USH2A: variants seen among roughly 807,000 people sequenced by gnomAD.
USH2A encodes the protein Usher syndrome 2A (autosomal recessive, mild).
In USH2A, 443 loss-of-function variants were observed where a neutral mutation model predicts 538.9. The ratio of observed to expected loss-of-function variants is 0.82; its 90% CI spans 0.76 to 0.89. USH2A has a LOEUF of 0.89. USH2A is among the 40% of genes least tolerant of loss of function. The pLI is 0.00. For synonymous variants in USH2A, 2,413 were observed against 2,273.5 expected, an observed-to-expected ratio of 1.06 and a Z score of -1.75; for missense variants, 6,633 against 6,324.8, an observed-to-expected ratio of 1.05 and a Z score of -1.65.
At chr1:215,948,471 T>C (rs2102438359) in intron 37 of USH2A, among the ~76,000 whole-genome samples, 1 of 151,586 alleles carries the variant, frequency 6.6e-6, no homozygotes, top group South Asian at 2.1e-4. Context: ...CACACGTATA[T>C]ATGGACATAC....
intron 38 of USH2A, among the ~76,000 whole-genome samples, chr1:215,919,466 G>A (rs1666041352): frequency 6.6e-6 from 1 of 152,054 alleles, no homozygotes; most frequent in African/African-American, 2.4e-5. Context: ...CTTACAGCTA[G>A]TAGGAGGGGG....
intron 36 of USH2A, among the ~76,000 whole-genome samples, chr1:215,967,467 A>T (rs974051327): frequency 1.3e-5 from 2 of 152,160 alleles, no homozygotes; most frequent in Non-Finnish European, 2.9e-5. Context: ...ATGCCTGGCC[A>T]TAAACTGTTA....
chr1:215,649,599 T>C (rs563393469), intron 65 of USH2A, among the ~76,000 whole-genome samples: 2 of 152,340 alleles, frequency 1.3e-5, no homozygotes, highest in South Asian at 2.1e-4. Flanking sequence ...CGAAGCCCTA[T>C]AGAAAATATG....
intron 41 of USH2A, among the ~76,000 whole-genome samples, chr1:215,885,025 C>CT (rs1310935373): frequency 2.0e-5 from 3 of 149,108 alleles, no homozygotes; most frequent in African/African-American, 4.9e-5. Flanking sequence ...TTTTTTTTTT[C>CT]TTTTTTTTGG....
At chr1:215,696,461 G>A (rs1658814407) in intron 61 of USH2A, among the ~76,000 whole-genome samples, 1 of 152,184 alleles carries the variant, frequency 6.6e-6, no homozygotes. Flanking sequence ...GGGGCTGCAT[G>A]GCACTTCTCT....
chr1:215,693,090 A>ATATGTGTG (rs1553253902), intron 61 of USH2A, among the ~76,000 whole-genome samples: 4 of 52,620 alleles, frequency 7.6e-5, no homozygotes, highest in Admixed American at 4.3e-4. Flanking sequence ...ATATATATAT[A>ATATGTGTG]TATGTGTGTG....
intron 3 of USH2A, among the ~76,000 whole-genome samples, chr1:216,414,768 T>C (rs1488254514): frequency 1.3e-5 from 2 of 152,096 alleles, no homozygotes; most frequent in African/African-American, 4.8e-5. Context: ...CATCAATTTG[T>C]GGCCATTTGG....
At chr1:216,105,029 C>T (rs149295789) in intron 21 of USH2A, among the ~76,000 whole-genome samples, 2 of 152,120 alleles carry the variant, frequency 1.3e-5, no homozygotes, top group African/African-American at 4.8e-5. Context: ...CAAAAGAAGA[C>T]ATTTATGCAG....
In USH2A at chr1:216,207,278, G is replaced by A. The variant is rs778168432; in HGVS notation, c.3311C>T (p.Pro1104Leu). 1 of 1,613,760 alleles carries A rather than the reference G, an allele frequency of 6.2e-7. No individual in the cohort carries two copies. Among genetic ancestry groups the A allele is most frequent in the East Asian group, 2.2e-5 (1 of 44,836 alleles). Reference sequence around the variant, plus strand: ...TACCAAACCCTTAAACTCACTGTATGGGTATTGATCCTCTGTTGTGTAGAT... The same window carrying A: ...TACCAAACCCTTAAACTCACTGTATAGGTATTGATCCTCTGTTGTGTAGAT... ...FEIYTTEDQYPYSIQYFLDTD... is the reference protein window; with the variant it reads ...FEIYTTEDQYLYSIQYFLDTD... The change falls in exon 16 of 72, where the codon CCA becomes CTA. Residue 1104 changes from proline (P) to leucine (L), a missense_variant. By Grantham distance (98) the Pro-to-Leu change is moderately conservative. Coordinates refer to ENST00000307340, the MANE Select transcript of USH2A (RefSeq NM_206933.4).
intron 58 of USH2A, among the ~76,000 whole-genome samples, chr1:215,751,647 T>C (rs1385658012): frequency 6.6e-6 from 1 of 152,172 alleles, no homozygotes; most frequent in Non-Finnish European, 1.5e-5. Context: ...TTTCACCTAT[T>C]AAGGTAACAT....
At chr1:215,839,471 C>T (rs761185281) in intron 46 of USH2A, among the ~76,000 whole-genome samples, 2 of 152,254 alleles carry the variant, frequency 1.3e-5, no homozygotes, top group Non-Finnish European at 2.9e-5. Flanking sequence ...CTGAGTTGTT[C>T]TCCACTGTAC....
chr1:215,636,069 G>C (rs1413801842), intron 69 of USH2A, among the ~76,000 whole-genome samples: 1 of 152,174 alleles, frequency 6.6e-6, no homozygotes, highest in African/African-American at 2.4e-5. Flanking sequence ...ACACAGGCTG[G>C]TGTGGAGATG....
At chr1:215,862,342 C>T (rs1328655251) in intron 44 of USH2A, among the ~76,000 whole-genome samples, 2 of 151,968 alleles carry the variant, frequency 1.3e-5, no homozygotes, top group East Asian at 3.9e-4. Context: ...CATGTTCTCA[C>T]TCATAGTTGG....
intron 69 of USH2A, among the ~76,000 whole-genome samples, chr1:215,637,219 T>C (rs923386297): frequency 8.5e-5 from 13 of 152,146 alleles, no homozygotes; most frequent in African/African-American, 3.1e-4. Flanking sequence ...TGGCAGGGCT[T>C]AGAAGGCGAG....
intron 38 of USH2A, among the ~76,000 whole-genome samples, chr1:215,901,783 C>T (rs1665508957): frequency 6.6e-6 from 1 of 152,156 alleles, no homozygotes; most frequent in African/African-American, 2.4e-5. Context: ...ACTGGTATAA[C>T]TCAAATGAGC....
intron 56 of USH2A, among the ~76,000 whole-genome samples, chr1:215,764,194 C>T (rs1301176408): frequency 2.0e-5 from 3 of 151,980 alleles, no homozygotes; most frequent in East Asian, 1.9e-4. Context: ...AGCCAGTACT[C>T]GAAAATTCCA....
At chr1:215,763,243 G>A (rs569413777) in intron 56 of USH2A, among the ~76,000 whole-genome samples, 1 of 152,298 alleles carries the variant, frequency 6.6e-6, no homozygotes, top group South Asian at 2.1e-4. Flanking sequence ...ATAAAGATGA[G>A]TCGATAAAAA....
At chr1:216,147,195 A>G (rs1271459765) in intron 21 of USH2A, among the ~76,000 whole-genome samples, 2 of 151,458 alleles carry the variant, frequency 1.3e-5, no homozygotes, top group African/African-American at 4.9e-5. Flanking sequence ...TTTTCTACAG[A>G]CCCATCTGAC....
At chr1:216,381,943 C>T (rs1044821612) in intron 3 of USH2A, among the ~76,000 whole-genome samples, 12 of 152,078 alleles carry the variant, frequency 7.9e-5, no homozygotes, top group South Asian at 6.2e-4. Flanking sequence ...GTGTTTAGCT[C>T]GAAAAAATTC....
Sources: allele counts gnomAD v4.1 joint callset (sites outside exome capture counted in the v4.1 genomes callset), GRCh38; gene constraint gnomAD v4.1.1; transcripts MANE v1.5; gene names NCBI Gene and HGNC (gene_info 2026-07-23, HGNC 2026-07-21).